The following RYR2 variants were observed in gnomAD, a reference collection of about 807,000 sequenced individuals.
The protein encoded by RYR2 is ryanodine receptor 2, also known as cardiac muscle ryanodine receptor-calcium release channel.
RYR2 carries 227 observed loss-of-function variants against 601.1 expected under a neutral mutation model. The observed-to-expected ratio is 0.38, with a 90% CI of 0.34 to 0.42. The LOEUF is 0.42. RYR2 is among the 10% of genes least tolerant of loss of function. The probability of loss-of-function intolerance (pLI) is 1.00; values close to 1 mark genes in which losing one functional copy is unlikely to be tolerated. For synonymous variants in RYR2, 2,223 were observed against 2,175.1 expected (o/e 1.02, Z -0.61); for missense variants, 4,646 against 6,156.5 (o/e 0.75, Z 8.21).
intron 1 of RYR2, among the ~76,000 whole-genome samples, chr1:237,219,007 T>A (rs191614447): frequency 1.7e-3 from 230 of 135,562 alleles, no homozygotes; most frequent in Admixed American, 4.1e-3. Flanking sequence ...TTCCTTATAC[T>A]TGATTTTTTT....
chr1:237,490,182 G>C (rs780083498), intron 17 of RYR2, among the ~76,000 whole-genome samples: 2 of 152,166 alleles, frequency 1.3e-5, no homozygotes, highest in African/African-American at 2.4e-5. Flanking sequence ...TACTAAGTGG[G>C]AGGAAGGGGG....
intron 1 of RYR2, among the ~76,000 whole-genome samples, chr1:237,248,854 C>G (rs1572354872): frequency 6.6e-6 from 1 of 151,398 alleles, no homozygotes; most frequent in Non-Finnish European, 1.5e-5. Flanking sequence ...CTCTGCCTCC[C>G]AGGTTCAAGC....
intron 2 of RYR2, among the ~76,000 whole-genome samples, chr1:237,288,552 G>A (rs975589771): frequency 2.0e-5 from 3 of 151,904 alleles, no homozygotes; most frequent in African/African-American, 4.8e-5. Context: ...GAGGATTATG[G>A]CTGCCTCTGC....
chr1:237,726,692 T>A (rs1051473508), intron 75 of RYR2, among the ~76,000 whole-genome samples: 6 of 152,032 alleles, frequency 3.9e-5, no homozygotes, highest in African/African-American at 1.4e-4. Flanking sequence ...AGGTAATATT[T>A]TATGTAGGCA....
chr1:237,093,761 G>A (rs1256919202), intron 1 of RYR2, among the ~76,000 whole-genome samples: 1 of 152,138 alleles, frequency 6.6e-6, no homozygotes, highest in East Asian at 1.9e-4. Flanking sequence ...GAGATTAATC[G>A]ATTCTTTTGC....
At chr1:237,127,180 A>G (rs1671531643) in intron 1 of RYR2, among the ~76,000 whole-genome samples, 1 of 152,128 alleles carries the variant, frequency 6.6e-6, no homozygotes, top group African/African-American at 2.4e-5. Flanking sequence ...TCCCATGTCT[A>G]CTTCTTTCTA....
chr1:237,568,272 T>C lies in RYR2; in HGVS notation c.3424-873T>C, dbSNP rs144337207. 9.2e-5 allele frequency among the ~76,000 whole-genome samples: 14 copies of C among 152,318 alleles called. No homozygotes were observed. The East Asian group carries it at 2.3e-3, about 25-fold the overall frequency. Reference sequence around the variant, plus strand: ...ACTTTTTTAAAAAGACAGTGTGTTATATTAAGAAGAATTATGTCATTGCTT... The same window carrying C: ...ACTTTTTTAAAAAGACAGTGTGTTACATTAAGAAGAATTATGTCATTGCTT... On this transcript the variant is annotated intron_variant, in intron 28 of 104. Transcript: ENST00000366574.
At chr1:237,473,376 A>G (rs1407909761) in intron 17 of RYR2, among the ~76,000 whole-genome samples, 6 of 151,876 alleles carry the variant, frequency 4.0e-5, no homozygotes, top group African/African-American at 1.5e-4. Context: ...GTGAGCCGAG[A>G]TTGCACGACT....
In RYR2 at chr1:237,562,509, G is replaced by T. The variant is rs371818949; in HGVS notation, c.3215-4058G>T. Among the ~76,000 whole-genome samples, 4 of 152,262 alleles carry T rather than the reference G, an allele frequency of 2.6e-5. No individual in the cohort carries two copies. In the East Asian group the frequency reaches 7.7e-4, roughly 29 times the overall value. The stretch of plus-strand genomic sequence containing the variant: ...AGGCCCTAGTTAGGTGATTGGTGGT[G>T]TGTCATGCCTGGGAGGTACGGGGAG... On this transcript the variant is annotated intron_variant, in intron 27 of 104. Coordinates refer to ENST00000366574, the MANE Select transcript of RYR2 (RefSeq NM_001035.3).
chr1:237,065,699 T>G (rs1663517211), intron 1 of RYR2, among the ~76,000 whole-genome samples: 1 of 152,206 alleles, frequency 6.6e-6, no homozygotes, highest in Non-Finnish European at 1.5e-5. Context: ...TGTAATTGTA[T>G]TAGTCCGTTC....
intron 8 of RYR2, among the ~76,000 whole-genome samples, chr1:237,382,055 T>G (rs1045896102): frequency 6.6e-6 from 1 of 152,180 alleles, no homozygotes; most frequent in Non-Finnish European, 1.5e-5. Flanking sequence ...ACAAAATGAA[T>G]CTTACAAAAC....
At chr1:237,594,885 G>GGTTTTTTTTTTTGTTTGTTTGTTTTTTTT (rs1675638353) in intron 33 of RYR2, among the ~76,000 whole-genome samples, 10 of 79,044 alleles carry the variant, frequency 1.3e-4, no homozygotes, top group African/African-American at 4.3e-4. Flanking sequence ...AATATCACTG[G>GGTTTTTTTTTTTGTTTGTTTGTTTTTTTT]GTTTTTTTTT....
intron 24 of RYR2, among the ~76,000 whole-genome samples, chr1:237,522,424 G>C (rs1667182397): frequency 1.3e-5 from 2 of 152,364 alleles, no homozygotes; most frequent in African/African-American, 4.8e-5. Flanking sequence ...GGACAAGCTT[G>C]CCAGATCTAA....
chr1:237,674,691 T>C, intron 59 of RYR2, 40 bp from the exon 60 acceptor site: 4 of 1,112,944 alleles, frequency 3.6e-6, no homozygotes, highest in Non-Finnish European at 5.5e-6. Context: ...TAAGAGGCTT[T>C]GTACAAATTG....
At chr1:237,042,762 C>A (rs373553771) in intron 1 of RYR2, among the ~76,000 whole-genome samples, 193 bp downstream of exon 1, 2 of 152,078 alleles carry the variant, frequency 1.3e-5, no homozygotes, top group African/African-American at 2.4e-5. Context: ...AAGGCAAGGG[C>A]GCGTGTCTGT....
intron 89 of RYR2, among the ~76,000 whole-genome samples, chr1:237,783,361 C>T (rs1430216630): frequency 6.6e-6 from 1 of 152,044 alleles, no homozygotes; most frequent in Non-Finnish European, 1.5e-5. Context: ...TAATATGAAA[C>T]GATTTTAGTT....
At position 237,819,290 on chromosome 1, in the gene RYR2, C is replaced by A; in HGVS notation, c.14590+98C>A. On this transcript the variant is annotated intron_variant, in intron 101 of 104. Transcript: ENST00000366574. This position sits in a 1 kb window ranked among gnomAD's most constrained non-coding sequence, Gnocchi z 4.0. The stretch of plus-strand genomic sequence containing the variant: ...GGTAGGGTAATGACGTCAAGTGTTT[C>A]CTGGCAAAGCCAAATCAAACTTTTC... The A allele has an allele frequency of 8.8e-7, 1 of 1,135,820 alleles. No homozygotes were observed. Among genetic ancestry groups the A allele is most frequent in the Non-Finnish European group, 1.3e-6 (1 of 786,274 alleles). 70.4% of individuals were successfully genotyped at this position (1,135,820 alleles called of 1,614,324 possible). A position where few individuals can be genotyped will look rare whatever the true frequency, so the allele number is the denominator to read the frequency against.
chr1:237,165,073 T>G lies in RYR2; in HGVS notation c.49-105424T>G, dbSNP rs576525285. ...AGGGCAGCCTTGAACTCCTCCTGCT[T>G]CAGCCTCCTAAGTAGCTGGGACTAT... is the stretch of plus-strand genomic sequence containing the variant. On this transcript the variant is annotated intron_variant, in intron 1 of 104. Coordinates refer to ENST00000366574, the MANE Select transcript of RYR2 (RefSeq NM_001035.3). Among the ~76,000 whole-genome samples, 18 of 152,108 alleles carry G rather than the reference T, an allele frequency of 1.2e-4. No homozygotes were observed. The South Asian group carries it at 3.1e-3, about 26-fold the overall frequency.
intron 4 of RYR2, among the ~76,000 whole-genome samples, chr1:237,356,921 T>G (rs895702130): frequency 2.0e-5 from 3 of 152,178 alleles, no homozygotes; most frequent in African/African-American, 4.8e-5. Flanking sequence ...ACTTAACTGA[T>G]GGCTTTATTT....
Sources: gnomAD v4.1 joint callset for allele counts (sites outside exome capture counted in the v4.1 genomes callset) on GRCh38, gnomAD v4.1.1 for gene constraint, Gnocchi (gnomAD v3.1) non-coding constraint, MANE v1.5 for transcripts, NCBI Gene and HGNC (gene_info 2026-07-23, HGNC 2026-07-21) for gene names.